The following SATB1 variants were observed in gnomAD, a reference collection of about 807,000 sequenced individuals.
The protein encoded by SATB1 is DNA-binding protein SATB1.
SATB1 carries 11 observed loss-of-function variants against 86.9 expected under a neutral mutation model. The observed-to-expected ratio is 0.13, with a 90% CI of 0.08 to 0.21. The LOEUF (loss-of-function observed/expected upper bound fraction) is 0.21. SATB1 is among the 10% of genes least tolerant of loss of function. The probability of loss-of-function intolerance (pLI) is 1.00; values close to 1 mark genes in which losing one functional copy is unlikely to be tolerated. For missense variants in SATB1, 551 were observed against 937.6 expected, an observed-to-expected ratio of 0.59 and a Z score of 5.39; for synonymous variants, 357 against 357.2, an observed-to-expected ratio of 1.00 and a Z score of 0.01.
chr3:18,355,212 T>C (rs1249716401), intron 9 of SATB1, among the ~76,000 whole-genome samples: 1 of 152,020 alleles, frequency 6.6e-6, no homozygotes, highest in Non-Finnish European at 1.5e-5. Context: ...AAAAAAATAA[T>C]GGAAAACAGA....
chr3:18,441,450 C>G (rs1342093035), upstream of SATB1, among the ~76,000 whole-genome samples: 1 of 152,110 alleles, frequency 6.6e-6, no homozygotes, highest in Non-Finnish European at 1.5e-5. Context: ...TCAACTACAT[C>G]ATGTCTAGAA....
intron 9 of SATB1, 109 bp downstream of exon 9, chr3:18,378,061 C>T (rs9310557): frequency 0.6 from 523,605 of 865,930 alleles, 162,878 homozygotes; most frequent in East Asian, 0.94. Flanking sequence ...ATCCTAGACA[C>T]AGAGGCCTCT....
intron 7 of SATB1, among the ~76,000 whole-genome samples, chr3:18,393,392 T>C (rs1177607988): frequency 6.6e-5 from 10 of 152,132 alleles, no homozygotes; most frequent in South Asian, 2.1e-4. Context: ...ATAAACACCA[T>C]ATATATCACG....
chr3:18,411,267 TGTGTGCAC>T (rs1431288418), intron 5 of SATB1, among the ~76,000 whole-genome samples: 3 of 152,250 alleles, frequency 2.0e-5, no homozygotes, highest in African/African-American at 7.2e-5. Context: ...GTGATGTGTG[TGTGTGCAC>T]GTGTGCACGC....
intron 7 of SATB1, among the ~76,000 whole-genome samples, chr3:18,392,263 G>A (rs1166262822): frequency 1.3e-5 from 2 of 151,958 alleles, no homozygotes; most frequent in African/African-American, 2.4e-5. Flanking sequence ...AGATTAATAT[G>A]GTATAAAAGA....
rs1363892186 is a variant in SATB1, at chr3:18,401,662, TA to T, written c.640-4373del. ...GCTACACGGTACACCAACCAATAAA[TA>T]GGCCACAGCTTCCAGTGTTGGGAAA... On this transcript the variant is annotated intron_variant, in intron 5 of 10. Coordinates refer to ENST00000338745, the MANE Select transcript of SATB1 (RefSeq NM_002971.6). Among the ~76,000 whole-genome samples, 3 of 152,232 alleles carry T rather than the reference TA, an allele frequency of 2.0e-5. No homozygotes were observed. The East Asian group carries it at 5.8e-4, about 29-fold the overall frequency.
upstream of SATB1, among the ~76,000 whole-genome samples, chr3:18,441,095 A>G (rs1322539733): frequency 1.3e-5 from 2 of 152,206 alleles, no homozygotes; most frequent in Non-Finnish European, 2.9e-5. Flanking sequence ...AACCATTCAT[A>G]AAAATCAAAC....
At chr3:18,372,820 A>C (rs749869894) in intron 9 of SATB1, among the ~76,000 whole-genome samples, 1 of 152,196 alleles carries the variant, frequency 6.6e-6, no homozygotes, top group Non-Finnish European at 1.5e-5. Context: ...ATCCAATATG[A>C]ATTCCCAACA....
At chr3:18,409,830 C>A (rs1264527829) in intron 5 of SATB1, among the ~76,000 whole-genome samples, 1 of 151,852 alleles carries the variant, frequency 6.6e-6, no homozygotes, top group Non-Finnish European at 1.5e-5. Context: ...AACAGGAATC[C>A]TTTTATTTTA....
At chr3:18,384,015 A>G (rs1480456978) in intron 8 of SATB1, among the ~76,000 whole-genome samples, 1 of 152,162 alleles carries the variant, frequency 6.6e-6, no homozygotes, top group African/African-American at 2.4e-5. Context: ...GGCCAGTAAT[A>G]CTGCAGTAAT....
chr3:18,426,459 A>G (rs965241161), upstream of SATB1, among the ~76,000 whole-genome samples: 4 of 152,262 alleles, frequency 2.6e-5, no homozygotes, highest in African/African-American at 9.6e-5. The surrounding 1 kb of genome is among the most constrained non-coding windows in gnomAD (Gnocchi z 4.2). Context: ...TGTTGTAGCA[A>G]TAAACACTTC....
At chr3:18,351,132 G>A (rs1430767163) in intron 10 of SATB1, 5 of 623,336 alleles carry the variant, frequency 8.0e-6, no homozygotes, top group Admixed American at 4.8e-5. Context: ...GAGATGAATG[G>A]TGACAAGTCC....
At chr3:18,428,753 T>C (rs1336043198), upstream of SATB1, among the ~76,000 whole-genome samples, 2 of 152,198 alleles carry the variant, frequency 1.3e-5, no homozygotes, top group East Asian at 3.9e-4. Flanking sequence ...TTATCCTGGC[T>C]ACACACAAAA....
chr3:18,401,521 C>T (rs1375583725), intron 5 of SATB1, among the ~76,000 whole-genome samples: 1 of 152,078 alleles, frequency 6.6e-6, no homozygotes, highest in African/African-American at 2.4e-5. Flanking sequence ...TTGAAAAAGA[C>T]ACAACTTGTA....
intron 5 of SATB1, among the ~76,000 whole-genome samples, chr3:18,407,059 C>T (rs564925895): frequency 5.9e-5 from 9 of 152,126 alleles, no homozygotes; most frequent in African/African-American, 1.9e-4. Context: ...GCAAATGCTA[C>T]GATGGGCACA....
intron 3 of SATB1, among the ~76,000 whole-genome samples, 182 bp from the exon 4 acceptor site, chr3:18,416,315 T>C (rs369735479): frequency 1.3e-5 from 2 of 152,194 alleles, no homozygotes; most frequent in South Asian, 2.1e-4. Flanking sequence ...GCTTTCCAAA[T>C]TGTAAAATTA....
chr3:18,440,067 G>A (rs1218318503), upstream of SATB1, among the ~76,000 whole-genome samples: 1 of 152,150 alleles, frequency 6.6e-6, no homozygotes, highest in Admixed American at 6.5e-5. Context: ...TTCCATCTAA[G>A]ACTTGGAAGA....
intron 10 of SATB1, chr3:18,350,866 C>T (rs1694324108): frequency 4.1e-6 from 1 of 245,016 alleles, no homozygotes; most frequent in South Asian, 5.0e-5. Context: ...CACGCACACA[C>T]ATATATATAA....
intron 5 of SATB1, among the ~76,000 whole-genome samples, chr3:18,400,903 A>G (rs947693870): frequency 6.6e-6 from 1 of 152,174 alleles, no homozygotes; most frequent in East Asian, 1.9e-4. Flanking sequence ...CCACGGGGAA[A>G]TATTTCTTTC....
Sources: gnomAD v4.1 joint callset for allele counts (sites outside exome capture counted in the v4.1 genomes callset) on GRCh38, gnomAD v4.1.1 for gene constraint, Gnocchi (gnomAD v3.1) non-coding constraint, MANE v1.5 for transcripts, NCBI Gene and HGNC (gene_info 2026-07-23, HGNC 2026-07-21) for gene names.